The following STAB2 variants were observed in gnomAD, a reference collection of about 807,000 sequenced individuals.
STAB2 encodes stabilin-2.
STAB2 carries 288 observed loss-of-function variants against 338.1 expected under a neutral mutation model. That is an observed-to-expected ratio of 0.85 (90% CI 0.77 to 0.94). The LOEUF is 0.94. Ranked by LOEUF, STAB2 falls within the 40% of genes least tolerant of loss-of-function variation. The pLI is 0.00. For missense variants in STAB2, 3,141 were observed against 3,210.1 expected (o/e 0.98, Z 0.52); for synonymous variants, 1,202 against 1,193.3 (o/e 1.01, Z -0.15).
Position 103,733,063 on chromosome 12 carries a change from T to C in STAB2, c.5341T>C (p.Trp1781Arg), listed in dbSNP as rs558182762. 1.7e-5 allele frequency: 28 copies of C among 1,614,006 alleles called. No individual in the cohort carries two copies. The highest frequency in any genetic ancestry group is 2.3e-5 in the Non-Finnish European group (27 of 1,180,012). The stretch of plus-strand genomic sequence containing the variant: ...CATCCACACCCCAGTCACTCTCTTC[T>C]GGCCCACCGACCAAGCCCTCCATGC... ...DPIHTPVTLF[W>R]PTDQALHALP... is the part of the protein sequence containing the mutation. Residue 1781 changes from tryptophan (W) to arginine (R), a missense_variant, in exon 51 of 69, where the codon TGG becomes CGG. Transcript: ENST00000388887.
At chr12:103,595,288 T>G (rs149034206) in intron 3 of STAB2, among the ~76,000 whole-genome samples, 1 of 152,202 alleles carries the variant, frequency 6.6e-6, no homozygotes, top group Non-Finnish European at 1.5e-5. Context: ...TCTTCTTAGA[T>G]GTAATGAAAA....
chr12:103,674,002 T>C lies in STAB2; in HGVS notation c.2467T>C (p.Cys823Arg). 6.2e-7 allele frequency: 1 copy of C among 1,614,134 alleles called. No individual in the cohort carries two copies. Among genetic ancestry groups the C allele is most frequent in the Non-Finnish European group, 8.5e-7 (1 of 1,180,032 alleles). ...TCRDGSAGRL[C>R]DKQTSACGPY... ...CAGAGACGGCTCTGCCGGGAGACTC[T>C]GTGATAAGCAGACCTCAGCCTGTGG... Residue 823 changes from cysteine to arginine, a missense_variant, in exon 23 of 69, where the codon TGT becomes CGT. Physicochemically the swap from Cys to Arg is radical, Grantham distance 180 (BLOSUM62 -3). Coordinates refer to ENST00000388887, the MANE Select transcript of STAB2 (RefSeq NM_017564.10).
chr12:103,756,445 C>T (rs1376830350), intron 63 of STAB2, among the ~76,000 whole-genome samples: 1 of 151,448 alleles, frequency 6.6e-6, no homozygotes, highest in Non-Finnish European at 1.5e-5. Context: ...TCCCCAAACC[C>T]TCAGATAGCA....
intron 44 of STAB2, among the ~76,000 whole-genome samples, chr12:103,721,285 G>A (rs1880742540): frequency 6.6e-6 from 1 of 152,192 alleles, no homozygotes; most frequent in Admixed American, 6.5e-5. Context: ...TAAGAAGCGG[G>A]CAGCCACATG....
At chr12:103,730,325 GA>G in intron 49 of STAB2, 69 bp downstream of exon 49, 1 of 1,518,108 alleles carries the variant, frequency 6.6e-7, no homozygotes, top group Non-Finnish European at 8.9e-7. Flanking sequence ...ATTCTGATTC[GA>G]AGTCATCATT....
intron 1 of STAB2, among the ~76,000 whole-genome samples, chr12:103,589,532 T>G (rs1363257306): frequency 6.6e-6 from 1 of 152,252 alleles, no homozygotes; most frequent in Non-Finnish European, 1.5e-5. Flanking sequence ...TGCTCAGTTT[T>G]ACCTCAGCAT....
intron 53 of STAB2, among the ~76,000 whole-genome samples, chr12:103,739,105 C>G (rs889660979): frequency 6.6e-6 from 1 of 151,684 alleles, no homozygotes; most frequent in Non-Finnish European, 1.5e-5. Flanking sequence ...CCTCCAAAGT[C>G]GCTGGGACTA....
intron 34 of STAB2, among the ~76,000 whole-genome samples, chr12:103,701,432 G>A (rs1198596095): frequency 6.6e-6 from 1 of 152,174 alleles, no homozygotes; most frequent in East Asian, 1.9e-4. Flanking sequence ...ACGCCACACT[G>A]ACTTCCACAA....
intron 37 of STAB2, among the ~76,000 whole-genome samples, chr12:103,705,960 A>G: frequency 6.6e-6 from 1 of 152,212 alleles, no homozygotes; most frequent in Non-Finnish European, 1.5e-5. Context: ...TGATGAAAAA[A>G]ACTGAGAGTC....
chr12:103,674,174 C>T (rs1001610625), intron 23 of STAB2, 87 bp downstream of exon 23: 19 of 1,451,700 alleles, frequency 1.3e-5, no homozygotes, highest in East Asian at 4.6e-5. Context: ...TACCTGTAGA[C>T]GGAGCCAACC....
chr12:103,755,081 C>A (rs1883991763), intron 61 of STAB2: 4 of 562,708 alleles, frequency 7.1e-6, no homozygotes, highest in Admixed American at 6.2e-5. Flanking sequence ...TATGAAAGAC[C>A]TGGGCACCTA....
intron 47 of STAB2, among the ~76,000 whole-genome samples, chr12:103,728,614 C>A (rs1364558359): frequency 2.6e-4 from 39 of 152,344 alleles, no homozygotes; most frequent in Non-Finnish European, 4.4e-5. Context: ...GCCAGAGGAA[C>A]CCCATGTTCC....
intron 24 of STAB2, 37 bp downstream of exon 24, chr12:103,676,058 CTTTTTTT>C (rs35874368): frequency 9.9e-4 from 662 of 669,244 alleles, no homozygotes; most frequent in Non-Finnish European, 1.2e-3. Flanking sequence ...TGCCTGGTTT[CTTTTTTT>C]TTTTTTTTTT....
Position 103,725,020 on chromosome 12 carries a change from C to A in STAB2, c.4729C>A (p.Gln1577Lys). ...ATTTGCCATCTGCAACCACACTGGG[C>A]AAGTAGAAAGGACTTGTACTTGCAA... The part of the protein sequence containing the change: ...SEFAICNHTG[Q>K]VERTCTCKPN... The change falls in exon 45 of 69, where the codon CAA becomes AAA. Residue 1577 changes from glutamine (Q) to lysine (K), a missense_variant. Physicochemically the swap from Gln to Lys is moderately conservative, Grantham distance 53. Coordinates refer to ENST00000388887, the MANE Select transcript of STAB2 (RefSeq NM_017564.10). 1 of 1,614,058 alleles carries A rather than the reference C, an allele frequency of 6.2e-7. No homozygotes were observed. Among genetic ancestry groups the A allele is most frequent in the South Asian group, 1.1e-5 (1 of 91,066 alleles).
chr12:103,602,913 A>T (rs928116149), intron 3 of STAB2, among the ~76,000 whole-genome samples: 3 of 152,166 alleles, frequency 2.0e-5, no homozygotes, highest in Non-Finnish European at 4.4e-5. Flanking sequence ...CAAATGTATC[A>T]TGCTTTTATA....
rs908707495 is a variant in STAB2, at chr12:103,642,634, G to C, written c.1040+2378G>C. 3.3e-5 allele frequency among the ~76,000 whole-genome samples: 5 copies of C among 152,268 alleles called. No homozygotes were observed. The East Asian group carries it at 7.7e-4, about 24-fold the overall frequency. Reference sequence around the variant, plus strand: ...TCCAGCAGTTTGACCCTTAGACCTGGGCAACAGGAGCCCCTCCCCTGGGCA... The same window carrying C: ...TCCAGCAGTTTGACCCTTAGACCTGCGCAACAGGAGCCCCTCCCCTGGGCA... On this transcript the variant is annotated intron_variant, in intron 9 of 68. Transcript: ENST00000388887.
In STAB2 at chr12:103,648,728, C is replaced by G. The variant is rs200197044; in HGVS notation, c.1079C>G (p.Thr360Arg). 1 of 1,613,998 alleles carries G rather than the reference C, an allele frequency of 6.2e-7. No homozygotes were observed. Among genetic ancestry groups the G allele is most frequent in the South Asian group, 1.1e-5 (1 of 91,052 alleles). Residue 360 changes from threonine to arginine, a missense_variant, in exon 10 of 69, where the codon ACG (threonine) becomes AGG (arginine). Coordinates refer to ENST00000388887, the MANE Select transcript of STAB2 (RefSeq NM_017564.10). ...AAAGGTTACGTGGGTGATGGCTTAA[C>G]GTGTTATGGAAACATTATGGAGCGA... is the stretch of plus-strand genomic sequence containing the variant. Reference protein sequence around the residue: ...CQKGYVGDGLTCYGNIMERLR... With the variant: ...CQKGYVGDGLRCYGNIMERLR...
chr12:103,758,931 A>AT (rs1410790460), intron 64 of STAB2, among the ~76,000 whole-genome samples: 1 of 152,138 alleles, frequency 6.6e-6, no homozygotes, highest in Non-Finnish European at 1.5e-5. Context: ...ATGACATTCA[A>AT]TCCCCCATCC....
At position 103,677,534 on chromosome 12, in the gene STAB2, G is replaced by A; in HGVS notation, c.2728G>A (p.Glu910Lys). The A allele has an allele frequency of 6.2e-7, 1 of 1,614,208 alleles. No individual in the cohort carries two copies. Among genetic ancestry groups the A allele is most frequent in the East Asian group, 2.2e-5 (1 of 44,882 alleles). ...GACAGGGAATGGGAGAGACTGCTCGGAGATCAACAACTGCCTGCTGCCCAG... is the reference window on the plus strand; with the variant it reads ...GACAGGGAATGGGAGAGACTGCTCGAAGATCAACAACTGCCTGCTGCCCAG... ...GWTGNGRDCS[E>K]INNCLLPSAG... Residue 910 changes from glutamate (E) to lysine (K), a missense_variant, in exon 25 of 69, where the codon GAG becomes AAG. Physicochemically the swap from Glu to Lys is moderately conservative, Grantham distance 56. Coordinates refer to ENST00000388887, the MANE Select transcript of STAB2 (RefSeq NM_017564.10).
Sources: allele counts gnomAD v4.1 joint callset (sites outside exome capture counted in the v4.1 genomes callset), GRCh38; gene constraint gnomAD v4.1.1; transcripts MANE v1.5; gene names NCBI Gene and HGNC (gene_info 2026-07-23, HGNC 2026-07-21).